DPY19L2: variants seen among roughly 807,000 people sequenced by gnomAD.
DPY19L2 encodes dpy-19 like 2.
Under a neutral mutation model 97.9 loss-of-function variants are expected in DPY19L2, and 34 were observed. The ratio of observed to expected loss-of-function variants is 0.35; its 90% CI spans 0.26 to 0.46. The LOEUF (loss-of-function observed/expected upper bound fraction) is 0.46. DPY19L2 is among the 20% of genes least tolerant of loss of function. The pLI is 1.00. For missense variants in DPY19L2, 623 were observed against 911.4 expected, an observed-to-expected ratio of 0.68 and a Z score of 4.07; for synonymous variants, 230 against 307.9, an observed-to-expected ratio of 0.75 and a Z score of 2.65.
In DPY19L2 at chr12:63,608,340, G is replaced by A. The variant is rs59918642; in HGVS notation, c.1278+276C>T. Among the ~76,000 whole-genome samples the A allele has an allele frequency of 8.9e-3, 1,358 of 152,204 alleles. 17 individuals carry two copies. The highest frequency in any genetic ancestry group is 0.031 in the African/African-American group (1,267 of 41,528). On this transcript the variant is annotated intron_variant, in intron 12 of 21. Transcript: ENST00000324472. ...ACTCAAGACAAACAAATTTTAAAAA[G>A]CAAGGCTGTATGGATATAGCAGAAT... is the stretch of plus-strand genomic sequence containing the variant.
At chr12:63,600,244 C>T (rs1884912608) in intron 13 of DPY19L2, 62 bp downstream of exon 13, 2 of 1,392,772 alleles carry the variant, frequency 1.4e-6, no homozygotes, top group Non-Finnish European at 2.0e-6. Flanking sequence ...TAGATGGTTT[C>T]AAAGTTTTCA....
intron 8 of DPY19L2, among the ~76,000 whole-genome samples, chr12:63,622,879 G>A (rs1481885715): frequency 6.6e-6 from 1 of 152,136 alleles, no homozygotes; most frequent in Non-Finnish European, 1.5e-5. Context: ...TGAGCCGATC[G>A]TGCCACTGCA....
intron 21 of DPY19L2, among the ~76,000 whole-genome samples, chr12:63,566,907 G>A (rs1385320338): frequency 6.6e-6 from 1 of 152,010 alleles, no homozygotes; most frequent in Non-Finnish European, 1.5e-5. Flanking sequence ...GGAGTATAGA[G>A]TGATATTTCA....
chr12:63,627,176 AT>A (rs1346106004), intron 6 of DPY19L2, among the ~76,000 whole-genome samples: 1 of 152,146 alleles, frequency 6.6e-6, no homozygotes, highest in African/African-American at 2.4e-5. Context: ...TTGAAATTGG[AT>A]TTAAGGGACT....
chr12:63,635,064 G>A (rs1359257682), intron 6 of DPY19L2, among the ~76,000 whole-genome samples: 8 of 152,162 alleles, frequency 5.3e-5, no homozygotes, highest in African/African-American at 1.9e-4. Flanking sequence ...ACACAGCCGG[G>A]TACTCCTCTG....
In DPY19L2 at chr12:63,661,232, A is replaced by G. The variant is rs902567679; in HGVS notation, c.588+112T>C. The G allele has an allele frequency of 3.0e-5, 34 of 1,129,888 alleles. No individual in the cohort carries two copies. In the African/African-American group the frequency reaches 5.4e-4, roughly 18 times the overall value. 70.0% of individuals were successfully genotyped at this position (1,129,888 alleles called of 1,614,324 possible). A position where few individuals can be genotyped will look rare whatever the true frequency, so the allele number is the denominator to read the frequency against. On this transcript the variant is annotated intron_variant, in intron 4 of 21. Coordinates refer to ENST00000324472, the MANE Select transcript of DPY19L2 (RefSeq NM_173812.5). ...TCTACTCAACTATAAGGATACACACAATTAATAAACCTGAAACGTCCCCTC... is the reference window on the plus strand; with the variant it reads ...TCTACTCAACTATAAGGATACACACGATTAATAAACCTGAAACGTCCCCTC...
intron 5 of DPY19L2, among the ~76,000 whole-genome samples, chr12:63,645,410 A>T (rs1333982666): frequency 6.6e-6 from 1 of 152,106 alleles, no homozygotes; most frequent in Non-Finnish European, 1.5e-5. Flanking sequence ...CATATTCTCC[A>T]TAAGGAAATT....
intron 19 of DPY19L2, among the ~76,000 whole-genome samples, chr12:63,578,123 T>G (rs531086265): frequency 1.4e-4 from 21 of 152,074 alleles, no homozygotes; most frequent in African/African-American, 4.8e-4. Flanking sequence ...TAAAAACGAA[T>G]GAGAACCTGT....
At position 63,626,005 on chromosome 12, in the gene DPY19L2, A is replaced by C. The variant is rs1405221056; in HGVS notation, c.861+464T>G. 3.4e-5 allele frequency among the ~76,000 whole-genome samples: 5 copies of C among 148,794 alleles called. No homozygotes were observed. In the East Asian group the frequency reaches 9.7e-4, roughly 29 times the overall value. On this transcript the variant is annotated intron_variant, in intron 7 of 21. Transcript: ENST00000324472. Reference sequence around the variant, plus strand: ...TTTTATAATTTATAAAATATAAATTAATATATATGTGAGGTTTTAGAGGCA... The same window carrying C: ...TTTTATAATTTATAAAATATAAATTCATATATATGTGAGGTTTTAGAGGCA...
At chr12:63,661,172 G>A (rs1411964565) in intron 4 of DPY19L2, 172 bp downstream of exon 4, 3 of 533,136 alleles carry the variant, frequency 5.6e-6, no homozygotes, top group Non-Finnish European at 8.9e-6. Flanking sequence ...ACAGTTTCTG[G>A]GGTCTTTAAA....
intron 13 of DPY19L2, among the ~76,000 whole-genome samples, chr12:63,599,935 G>T (rs1884863359): frequency 6.6e-6 from 1 of 152,134 alleles, no homozygotes; most frequent in South Asian, 2.1e-4. Flanking sequence ...GAGATTTTAA[G>T]AGTTCTATAT....
At chr12:63,614,045 C>A (rs1887452616) in intron 11 of DPY19L2, among the ~76,000 whole-genome samples, 1 of 151,692 alleles carries the variant, frequency 6.6e-6, no homozygotes, top group Non-Finnish European at 1.5e-5. Context: ...CAAAAATTAG[C>A]TGGACGTGGT....
intron 11 of DPY19L2, among the ~76,000 whole-genome samples, chr12:63,608,946 A>G (rs1373083927): frequency 6.6e-6 from 1 of 152,112 alleles, no homozygotes; most frequent in Admixed American, 6.5e-5. Flanking sequence ...ATTCCTCTAC[A>G]AAGATAAATG....
chr12:63,666,914 G>A (rs4763106), intron 1 of DPY19L2, among the ~76,000 whole-genome samples: 25,351 of 151,858 alleles, frequency 0.17, 2,279 homozygotes, highest in East Asian at 0.28. Context: ...CAACATAAAT[G>A]CAAATTAATT....
At chr12:63,586,668 G>C (rs1332411421) in intron 16 of DPY19L2, among the ~76,000 whole-genome samples, 3 of 152,178 alleles carry the variant, frequency 2.0e-5, no homozygotes, top group Admixed American at 1.3e-4. Context: ...AGGTGACTGT[G>C]AGGATTTATT....
At chr12:63,573,793 T>G (rs1002085838) in intron 19 of DPY19L2, among the ~76,000 whole-genome samples, 1 of 152,002 alleles carries the variant, frequency 6.6e-6, no homozygotes, top group African/African-American at 2.4e-5. Context: ...ATATTTAAAG[T>G]GAAGGAAAAA....
chr12:63,626,954 CT>C (rs1175231799), intron 6 of DPY19L2, among the ~76,000 whole-genome samples: 5 of 151,978 alleles, frequency 3.3e-5, no homozygotes, highest in Admixed American at 3.3e-4. Context: ...AATTTTTTTA[CT>C]TTTAGCAGAG....
chr12:63,623,867 G>C, intron 8 of DPY19L2, 173 bp downstream of exon 8: 1 of 465,500 alleles, frequency 2.1e-6, no homozygotes, highest in Non-Finnish European at 4.1e-6. Flanking sequence ...ACCATGCCCG[G>C]CTAATTTTTG....
At chr12:63,580,010 T>C (rs947388018) in intron 19 of DPY19L2, among the ~76,000 whole-genome samples, 2 of 152,154 alleles carry the variant, frequency 1.3e-5, no homozygotes, top group South Asian at 2.1e-4. Flanking sequence ...TATAGACTTA[T>C]TCTCTGGAAA....
Sources: gnomAD v4.1 joint callset for allele counts (sites outside exome capture counted in the v4.1 genomes callset) on GRCh38, gnomAD v4.1.1 for gene constraint, MANE v1.5 for transcripts, NCBI Gene and HGNC (gene_info 2026-07-23, HGNC 2026-07-21) for gene names.